Variants in DNAH2 observed in about 807,000 individuals in gnomAD.
DNAH2 encodes axonemal beta dynein heavy chain 2.
Under a neutral mutation model 523.5 loss-of-function variants are expected in DNAH2, and 323 were observed. The ratio of observed to expected loss-of-function variants is 0.62; its 90% confidence interval spans 0.56 to 0.68. DNAH2 has a LOEUF of 0.68. DNAH2 is among the 30% of genes least tolerant of loss of function. The probability of loss-of-function intolerance (pLI) is 0.00; values close to 1 mark genes in which losing one functional copy is unlikely to be tolerated. For missense variants in DNAH2, 4,907 were observed against 5,701.5 expected, an observed-to-expected ratio of 0.86 and a Z score of 4.49; for synonymous variants, 2,093 against 2,177.4, an observed-to-expected ratio of 0.96 and a Z score of 1.08.
Position 7,740,540 on chromosome 17 carries a change from C to T in DNAH2, c.1497C>T (p.Ala499=), listed in dbSNP as rs1567622411. 2 of 1,613,586 alleles carry T rather than the reference C, an allele frequency of 1.2e-6. No homozygotes were observed. Among genetic ancestry groups the T allele is most frequent in the Non-Finnish European group, 1.7e-6 (2 of 1,179,984 alleles). Residue 499 remains alanine, a synonymous_variant, in exon 10 of 86, where the codon GCC becomes GCT. Coordinates refer to ENST00000572933, the MANE Select transcript of DNAH2 (RefSeq NM_020877.5). The part of the protein sequence containing the change: ...VLLLDTFHRL[A]SREAIKRTYD... ...TGCTGGACACCTTCCACAGGCTTGC[C>T]TCCCGCGAGGTGCGGCTGCCCCGCG...
intron 12 of DNAH2, among the ~76,000 whole-genome samples, chr17:7,753,841 G>A (rs190829657): frequency 1.2e-4 from 19 of 152,038 alleles, no homozygotes; most frequent in African/African-American, 3.4e-4. Context: ...CCAGCTACTC[G>A]GAAGGCTGAG....
intron 2 of DNAH2, among the ~76,000 whole-genome samples, chr17:7,722,382 T>G (rs2074643643): frequency 6.6e-6 from 1 of 152,148 alleles, no homozygotes; most frequent in Admixed American, 6.5e-5. Flanking sequence ...TACAGTTCAG[T>G]GGTTTTTGGT....
chr17:7,783,392 A>G (rs1347689321), intron 39 of DNAH2, among the ~76,000 whole-genome samples: 1 of 152,200 alleles, frequency 6.6e-6, no homozygotes, highest in African/African-American at 2.4e-5. Flanking sequence ...GACTTTTTAA[A>G]GAAGAAATTG....
rs2078257556 is a variant in DNAH2 at position 7,833,560 on chromosome 17, G to C, written c.*27G>C. ...ACCTCCTCCTCTTCTCCGCTTGAGAGAGAGGGTCAGGGACTCCAGGAGCTA... is the reference window on the plus strand; with the variant it reads ...ACCTCCTCCTCTTCTCCGCTTGAGACAGAGGGTCAGGGACTCCAGGAGCTA... On this transcript the variant is annotated 3_prime_UTR_variant, in exon 86 of 86. Coordinates refer to ENST00000572933, the MANE Select transcript of DNAH2 (RefSeq NM_020877.5). The C allele has an allele frequency of 6.2e-7, 1 of 1,610,932 alleles. No individual in the cohort carries two copies.
At chr17:7,797,053 G>C in intron 50 of DNAH2, 123 bp from the exon 51 acceptor site, 1 of 853,914 alleles carries the variant, frequency 1.2e-6, no homozygotes, top group South Asian at 1.7e-5. Flanking sequence ...AGTGAGCTGA[G>C]ATTGCACCAC....
chr17:7,724,477 G>A (rs542166989), intron 3 of DNAH2, among the ~76,000 whole-genome samples: 10 of 152,058 alleles, frequency 6.6e-5, no homozygotes, highest in African/African-American at 2.2e-4. Context: ...AAATTAGCAG[G>A]GTGTGGTGGC....
At chr17:7,753,013 G>A (rs2075732786) in intron 12 of DNAH2, among the ~76,000 whole-genome samples, 1 of 152,200 alleles carries the variant, frequency 6.6e-6, no homozygotes, top group Non-Finnish European at 1.5e-5. Context: ...CTTCGCGGGA[G>A]CATGTCCTCT....
intron 39 of DNAH2, among the ~76,000 whole-genome samples, chr17:7,785,193 C>G (rs573901166): frequency 6.6e-6 from 1 of 152,012 alleles, no homozygotes; most frequent in South Asian, 2.1e-4. Context: ...CCTCCGCCTC[C>G]CAGGTTCAAG....
intron 35 of DNAH2, 94 bp from the exon 36 acceptor site, chr17:7,779,149 C>T: frequency 1.4e-6 from 2 of 1,470,140 alleles, no homozygotes; most frequent in Non-Finnish European, 1.9e-6. Context: ...GCCGCCTCGC[C>T]TATTGAAACA....
chr17:7,791,176 C>T (rs932501909), intron 44 of DNAH2, among the ~76,000 whole-genome samples: 2 of 151,842 alleles, frequency 1.3e-5, no homozygotes, highest in African/African-American at 2.4e-5. Flanking sequence ...TGGGTTCAAG[C>T]GATTCTCCTG....
At chr17:7,751,575 C>G (rs1461618489) in intron 12 of DNAH2, among the ~76,000 whole-genome samples, 1 of 152,078 alleles carries the variant, frequency 6.6e-6, no homozygotes, top group Non-Finnish European at 1.5e-5. Context: ...ATGGCTAGAG[C>G]CATCTCATTT....
In DNAH2 at chr17:7,738,216, C is replaced by T. The variant is rs1455413409; in HGVS notation, c.1170+958C>T. ...CTTCTTTCCTGTACACTTTGTTTAG[C>T]CTCTTGGTTGTATTTTCCGAGACCC... On this transcript the variant is annotated intron_variant, in intron 8 of 85. Transcript: ENST00000572933. 3.9e-5 allele frequency: 25 copies of T among 649,258 alleles called. No homozygotes were observed. The South Asian group carries it at 3.9e-4, about 10-fold the overall frequency. 40.2% of individuals were successfully genotyped at this position (649,258 alleles called of 1,614,324 possible).
In DNAH2 at chr17:7,821,131, G is replaced by A; in HGVS notation, c.11016-112G>A. On this transcript the variant is annotated intron_variant, in intron 72 of 85. Transcript: ENST00000572933. This position sits in a 1 kb window ranked among gnomAD's most constrained non-coding sequence, Gnocchi z 5.0. Reference sequence around the variant, plus strand: ...TGTTTCCAGGAGGTTAGGATTAGAGGCTGGTGAGGTCCTCTGTGTGAAGCT... The same window carrying A: ...TGTTTCCAGGAGGTTAGGATTAGAGACTGGTGAGGTCCTCTGTGTGAAGCT... 1 of 1,440,046 alleles carries A rather than the reference G, an allele frequency of 6.9e-7. No homozygotes were observed. Among genetic ancestry groups the A allele is most frequent in the East Asian group, 2.4e-5 (1 of 41,304 alleles). The allele number at this position is 1,440,046 out of a possible 1,614,324, so 89.2% of individuals were successfully genotyped here. A position where few individuals can be genotyped will look rare whatever the true frequency, so the allele number is the denominator to read the frequency against.
At chr17:7,768,130 G>A (rs753871568) in intron 23 of DNAH2, 34 bp from the exon 24 acceptor site, 33 of 1,614,030 alleles carry the variant, frequency 2.0e-5, no homozygotes, top group Non-Finnish European at 2.0e-5. Context: ...CAGGGAGGTC[G>A]TCGGGTCTTC....
chr17:7,823,345 T>TACAG (rs1186997602), intron 73 of DNAH2, 97 bp from the exon 74 acceptor site: 1 of 1,009,500 alleles, frequency 9.9e-7, no homozygotes, highest in Non-Finnish European at 1.3e-6. Context: ...GAGAGAAAAA[T>TACAG]ACAGAGAGAG....
At chr17:7,719,349 G>A (rs1383873537) in intron 1 of DNAH2, among the ~76,000 whole-genome samples, 3 of 151,978 alleles carry the variant, frequency 2.0e-5, no homozygotes, top group Non-Finnish European at 4.4e-5. Flanking sequence ...GGCTGGTCTC[G>A]AACTCCTGAC....
chr17:7,765,764 G>A (rs573026678), intron 21 of DNAH2, among the ~76,000 whole-genome samples, 199 bp downstream of exon 21: 1 of 152,004 alleles, frequency 6.6e-6, no homozygotes, highest in Non-Finnish European at 1.5e-5. Context: ...GCAGCTCACA[G>A]CATTTCTACT....
At chr17:7,793,567 CTTTCTTTT>C (rs1325777210) in intron 48 of DNAH2, among the ~76,000 whole-genome samples, 1 of 143,876 alleles carries the variant, frequency 7.0e-6, no homozygotes, top group African/African-American at 2.6e-5. Context: ...CTCTTTCTTT[CTTTCTTTT>C]TTTCTTTCTT....
chr17:7,797,656 T>G (rs2077103772), intron 52 of DNAH2, 24 bp from the exon 53 acceptor site: 1 of 1,613,920 alleles, frequency 6.2e-7, no homozygotes, highest in African/African-American at 1.3e-5. Flanking sequence ...TTTGTGACTC[T>G]GATCCCCTCT....
Sources: allele counts gnomAD v4.1 joint callset (sites outside exome capture counted in the v4.1 genomes callset), GRCh38; gene constraint gnomAD v4.1.1; non-coding constraint Gnocchi (gnomAD v3.1); transcripts MANE v1.5; gene names NCBI Gene and HGNC (gene_info 2026-07-23, HGNC 2026-07-21).